Variants in RGS17 observed in about 807,000 individuals in gnomAD.
RGS17 encodes regulator of G-protein signaling 17.
A neutral mutation model predicts 25.5 loss-of-function variants in RGS17; 12 were observed. The observed-to-expected ratio is 0.47, with a 90% CI of 0.30 to 0.76. RGS17 has a LOEUF of 0.76. Ranked by LOEUF, RGS17 falls within the 30% of genes least tolerant of loss-of-function variation. The probability of loss-of-function intolerance (pLI) is 0.07; values close to 1 mark genes in which losing one functional copy is unlikely to be tolerated. For synonymous variants in RGS17, 71 were observed against 76.9 expected (o/e 0.92, Z 0.40); for missense variants, 196 against 242.2 (o/e 0.81, Z 1.27).
Position 153,006,934 on chromosome 6 carries a change from T to G in RGS17, c.*4640A>C, listed in dbSNP as rs374400675. Reference sequence around the variant, plus strand: ...TGCTCCCTAAGTGAATCTGTGGACATACATTTCCATTAGTAACCTTACTCA... The same window carrying G: ...TGCTCCCTAAGTGAATCTGTGGACAGACATTTCCATTAGTAACCTTACTCA... On this transcript the variant is annotated 3_prime_UTR_variant, in exon 5 of 5. Coordinates refer to ENST00000206262, the MANE Select transcript of RGS17 (RefSeq NM_012419.5). 13 of 152,232 alleles carry G rather than the reference T, an allele frequency of 8.5e-5. No homozygotes were observed. Among genetic ancestry groups the G allele is most frequent in the Admixed American group, 8.5e-4 (13 of 15,292 alleles). The allele number at this position is 152,232 out of a possible 1,614,324, so 9.4% of individuals were successfully genotyped here. A position where few individuals can be genotyped will look rare whatever the true frequency, so the allele number is the denominator to read the frequency against.
rs1457994129 is a variant in RGS17, at chr6:153,009,158, T to TCAAA, written c.*2412_*2415dup. 3 of 152,142 alleles carry TCAAA rather than the reference T, an allele frequency of 2.0e-5. No homozygotes were observed. The highest frequency in any genetic ancestry group is 6.5e-5 in the Admixed American group (1 of 15,280). The allele number at this position is 152,142 out of a possible 1,614,324, so 9.4% of individuals were successfully genotyped here. A position where few individuals can be genotyped will look rare whatever the true frequency, so the allele number is the denominator to read the frequency against. ...ATTTGGTAAAATATTAAAGATATTGTCAAACAGACAATTCATCTAATAGTC... is the reference window on the plus strand; with the variant it reads ...ATTTGGTAAAATATTAAAGATATTGTCAAACAAACAGACAATTCATCTAATAGTC... On this transcript the variant is annotated 3_prime_UTR_variant, in exon 5 of 5. Transcript: ENST00000206262.
intron 1 of RGS17, among the ~76,000 whole-genome samples, chr6:153,091,759 C>T (rs930943691): frequency 1.1e-4 from 16 of 152,114 alleles, no homozygotes; most frequent in African/African-American, 3.1e-4. Flanking sequence ...GTGATCTGCC[C>T]GCCTTGGCCT....
Position 153,007,471 on chromosome 6 carries a change from A to G in RGS17, c.*4103T>C, listed in dbSNP as rs2129104353. 6.6e-6 allele frequency: 1 copy of G among 152,302 alleles called. No individual in the cohort carries two copies. The highest frequency in any genetic ancestry group is 2.1e-4 in the South Asian group (1 of 4,830). The allele number at this position is 152,302 out of a possible 1,614,324, so 9.4% of individuals were successfully genotyped here. A position where few individuals can be genotyped will look rare whatever the true frequency, so the allele number is the denominator to read the frequency against. ...AGATAGGCGAAAATATTTTTTGGAAATATCTTTACCATCTTTCAAAATAAT... is the reference window on the plus strand; with the variant it reads ...AGATAGGCGAAAATATTTTTTGGAAGTATCTTTACCATCTTTCAAAATAAT... On this transcript the variant is annotated 3_prime_UTR_variant, in exon 5 of 5. Coordinates refer to ENST00000206262, the MANE Select transcript of RGS17 (RefSeq NM_012419.5).
intron 1 of RGS17, among the ~76,000 whole-genome samples, chr6:153,098,425 C>T (rs545122963): frequency 9.2e-5 from 14 of 152,228 alleles, no homozygotes; most frequent in South Asian, 4.2e-4. Context: ...CTCTTAAAAC[C>T]GAATATGCAT....
chr6:153,090,713 G>A (rs552669517), intron 1 of RGS17, among the ~76,000 whole-genome samples: 3 of 152,234 alleles, frequency 2.0e-5, no homozygotes, highest in Admixed American at 1.3e-4. Flanking sequence ...TAAGTCTCAC[G>A]CTGTCTCCAG....
chr6:153,033,290 T>C (rs545372488), intron 2 of RGS17, among the ~76,000 whole-genome samples: 1 of 151,450 alleles, frequency 6.6e-6, no homozygotes, highest in African/African-American at 2.4e-5. Flanking sequence ...AGTAATTACA[T>C]GGTGAAAATA....
At chr6:153,094,566 C>T (rs1562332385) in intron 1 of RGS17, among the ~76,000 whole-genome samples, 1 of 152,124 alleles carries the variant, frequency 6.6e-6, no homozygotes, top group Non-Finnish European at 1.5e-5. Context: ...ACACTGAACA[C>T]TTTTAAGAAG....
chr6:153,103,116 G>A (rs961741597), intron 1 of RGS17, among the ~76,000 whole-genome samples: 7 of 152,042 alleles, frequency 4.6e-5, no homozygotes, highest in Admixed American at 1.3e-4. Context: ...TTCCAATTTC[G>A]TTAGCTGAAA....
At chr6:153,105,618 G>T (rs1777368055) in intron 1 of RGS17, among the ~76,000 whole-genome samples, 1 of 152,098 alleles carries the variant, frequency 6.6e-6, no homozygotes. Context: ...TTGAGGTGAG[G>T]TCTGGCAGCA....
rs1206647523 is a variant in RGS17 at position 153,010,919 on chromosome 6, T to G, written c.*655A>C. On this transcript the variant is annotated 3_prime_UTR_variant, in exon 5 of 5. Coordinates refer to ENST00000206262, the MANE Select transcript of RGS17 (RefSeq NM_012419.5). ...TTTTTGTTTTTTGCTTTTAGCATAG[T>G]AAACTCTCCTGTAATGAAAATGCCA... 1.3e-5 allele frequency: 2 copies of G among 150,770 alleles called. No homozygotes were observed. Among genetic ancestry groups the G allele is most frequent in the Non-Finnish European group, 3.0e-5 (2 of 67,498 alleles). The allele number at this position is 150,770 out of a possible 1,614,324, so 9.3% of individuals were successfully genotyped here. A position where few individuals can be genotyped will look rare whatever the true frequency, so the allele number is the denominator to read the frequency against.
In RGS17 at chr6:153,052,901, A is replaced by T. The variant is rs1584135183; in HGVS notation, c.-25-8858T>A. 7.2e-5 allele frequency among the ~76,000 whole-genome samples: 11 copies of T among 152,218 alleles called. 1 individual carries two copies. In the South Asian group the frequency reaches 2.3e-3, roughly 32 times the overall value. ...CTCATGAATGAGATTAGTGCCCTTA[A>T]AAAAGGGACCCCCAGATTACTCTCC... On this transcript the variant is annotated intron_variant, in intron 1 of 4. Transcript: ENST00000206262.
At chr6:153,120,592 G>A (rs766799141) in intron 1 of RGS17, among the ~76,000 whole-genome samples, 2 of 152,132 alleles carry the variant, frequency 1.3e-5, no homozygotes, top group Non-Finnish European at 2.9e-5. Context: ...GACTGATGAA[G>A]CGCCTGTCCC....
intron 1 of RGS17, among the ~76,000 whole-genome samples, chr6:153,127,509 T>C (rs1446189213): frequency 6.6e-6 from 1 of 152,196 alleles, no homozygotes; most frequent in Non-Finnish European, 1.5e-5. Flanking sequence ...CTGAGGAAAC[T>C]GAGGCTCAGG....
At chr6:153,026,884 A>T (rs150310974) in intron 2 of RGS17, among the ~76,000 whole-genome samples, 177 of 152,256 alleles carry the variant, frequency 1.2e-3, no homozygotes, top group Non-Finnish European at 2.1e-3. Context: ...ACACACACAC[A>T]TATGATTACC....
chr6:153,029,131 A>C (rs1356222334), intron 2 of RGS17, among the ~76,000 whole-genome samples: 1 of 152,200 alleles, frequency 6.6e-6, no homozygotes, highest in Non-Finnish European at 1.5e-5. Context: ...ACACATTTGG[A>C]CTAAAACTAC....
intron 4 of RGS17, among the ~76,000 whole-genome samples, chr6:153,020,909 G>C (rs1016987750): frequency 2.6e-5 from 4 of 152,156 alleles, no homozygotes; most frequent in Non-Finnish European, 4.4e-5. Flanking sequence ...GGTTCAGTGT[G>C]GGGACAGCAG....
chr6:153,102,700 T>C (rs1020610709), intron 1 of RGS17, among the ~76,000 whole-genome samples: 13 of 152,228 alleles, frequency 8.5e-5, no homozygotes, highest in African/African-American at 2.4e-4. Flanking sequence ...CTGGCCTATG[T>C]GGGCAGATCC....
chr6:153,092,099 T>TA (rs1465201835), intron 1 of RGS17, among the ~76,000 whole-genome samples: 1 of 152,174 alleles, frequency 6.6e-6, no homozygotes, highest in Admixed American at 6.5e-5. Context: ...AGCCAATCAT[T>TA]AAAAAAATTC....
At chr6:153,047,135 T>C (rs866771224) in intron 1 of RGS17, among the ~76,000 whole-genome samples, 1 of 152,046 alleles carries the variant, frequency 6.6e-6, no homozygotes, top group Non-Finnish European at 1.5e-5. Context: ...TAAGTAAAAA[T>C]TCAAGAGTGA....
Sources: gnomAD v4.1 joint callset for allele counts (sites outside exome capture counted in the v4.1 genomes callset) on GRCh38, gnomAD v4.1.1 for gene constraint, MANE v1.5 for transcripts, NCBI Gene and HGNC (gene_info 2026-07-23, HGNC 2026-07-21) for gene names.